Variants in TENM2 observed in about 807,000 individuals in gnomAD.
TENM2 encodes teneurin transmembrane protein 2, also known as teneurin-2.
A neutral mutation model predicts 245.2 loss-of-function variants in TENM2; 52 were observed. The ratio of observed to expected loss-of-function variants is 0.21; its 90% CI spans 0.17 to 0.27. The LOEUF is 0.27. Among genes scored for constraint, TENM2 ranks in the 10% least tolerant of loss-of-function variants. The probability of loss-of-function intolerance (pLI) is 1.00; values close to 1 mark genes in which losing one functional copy is unlikely to be tolerated. For missense variants in TENM2, 3,046 were observed against 3,666.8 expected (o/e 0.83, Z 4.37); for synonymous variants, 1,363 against 1,438.9 (o/e 0.95, Z 1.19).
chr5:167,049,312 G>A, the TENM2 span, among the ~76,000 whole-genome samples: 5 of 152,064 alleles, frequency 3.3e-5, no homozygotes, highest in African/African-American at 7.2e-5. Flanking sequence ...TTTACCACTC[G>A]GAATATTTCA....
chr5:167,993,662 A>T (rs1211773951), intron 5 of TENM2, among the ~76,000 whole-genome samples: 1 of 152,212 alleles, frequency 6.6e-6, no homozygotes, highest in Non-Finnish European at 1.5e-5. Flanking sequence ...AGAGCTGTGG[A>T]ACAGAAACAG....
the TENM2 span, among the ~76,000 whole-genome samples, chr5:167,016,020 C>T: frequency 1.5e-3 from 234 of 152,010 alleles, 1 homozygote; most frequent in African/African-American, 5.5e-3. Context: ...TTTGGGAGGC[C>T]AAGGCGGGCG....
rs145843422 is a variant in TENM2 at position 167,598,979 on chromosome 5, T to C, written c.502+223506T>C. ...CAAAGCCTCAAAGATTAAAGGGCTT[T>C]GTTTCACTTGAGAAGACAGTTGAAA... On this transcript the variant is annotated intron_variant, in intron 2 of 28. Coordinates refer to ENST00000518659, the Ensembl canonical transcript of TENM2. Among the ~76,000 whole-genome samples, 84 of 152,210 alleles carry C rather than the reference T, an allele frequency of 5.5e-4. 1 individual carries two copies. The highest frequency in any genetic ancestry group is 1.9e-3 in the African/African-American group (79 of 41,474).
chr5:168,245,529 A>C (rs1766474649), intron 26 of TENM2, among the ~76,000 whole-genome samples: 1 of 151,352 alleles, frequency 6.6e-6, no homozygotes, highest in South Asian at 2.1e-4. Flanking sequence ...AAAGTGCCAA[A>C]TTCAGGTCTT....
At chr5:168,067,616 C>T (rs961050679) in intron 7 of TENM2, among the ~76,000 whole-genome samples, 6 of 152,130 alleles carry the variant, frequency 3.9e-5, no homozygotes, top group African/African-American at 1.4e-4. Flanking sequence ...CTTTCCTTGT[C>T]CCCTTCTTTC....
chr5:167,169,607 G>T, the TENM2 span, among the ~76,000 whole-genome samples: 1 of 152,186 alleles, frequency 6.6e-6, no homozygotes, highest in Non-Finnish European at 1.5e-5. Flanking sequence ...TCAGCGGTGT[G>T]CATAGACCAT....
chr5:167,256,992 A>G, the TENM2 span, among the ~76,000 whole-genome samples: 1 of 152,026 alleles, frequency 6.6e-6, no homozygotes, highest in Non-Finnish European at 1.5e-5. Flanking sequence ...CCCTCTGTAT[A>G]CTTGGAAAAA....
intron 12 of TENM2, among the ~76,000 whole-genome samples, chr5:168,156,585 T>G (rs1021107433): frequency 6.6e-6 from 1 of 152,220 alleles, no homozygotes; most frequent in Non-Finnish European, 1.5e-5. Flanking sequence ...GAAAAGCCTT[T>G]TATGGTAATT....
At chr5:168,102,443 G>A (rs1793899384) in intron 9 of TENM2, among the ~76,000 whole-genome samples, 1 of 152,194 alleles carries the variant, frequency 6.6e-6, no homozygotes, top group East Asian at 1.9e-4. Context: ...GGAAATGTTA[G>A]CGCCCCCATT....
intron 8 of TENM2, 91 bp downstream of exon 10, chr5:168,090,860 T>G: frequency 2.5e-6 from 3 of 1,187,554 alleles, no homozygotes; most frequent in Non-Finnish European, 2.4e-6. Flanking sequence ...CTAAGGTAGT[T>G]TCTACTACAG....
chr5:167,675,300 G>A (rs1162505975), intron 2 of TENM2, among the ~76,000 whole-genome samples: 1 of 152,082 alleles, frequency 6.6e-6, no homozygotes, highest in Admixed American at 6.6e-5. Flanking sequence ...ACCCAAGGAT[G>A]TAGAATTCGA....
At chr5:168,204,976 T>C (rs2152540159) in intron 19 of TENM2, among the ~76,000 whole-genome samples, 1 of 152,368 alleles carries the variant, frequency 6.6e-6, no homozygotes, top group East Asian at 1.9e-4. Context: ...TGAGCACCTC[T>C]ATCTGGCTAG....
intron 5 of TENM2, among the ~76,000 whole-genome samples, chr5:167,997,422 A>T (rs547512304): frequency 2.6e-5 from 4 of 152,352 alleles, no homozygotes; most frequent in South Asian, 4.1e-4. Context: ...CAGTGGATAG[A>T]AACTATAGCC....
intron 2 of TENM2, among the ~76,000 whole-genome samples, chr5:167,496,035 A>G (rs576745400): frequency 6.6e-6 from 1 of 152,202 alleles, no homozygotes; most frequent in South Asian, 2.1e-4. Context: ...AGCAAAGGAA[A>G]GGCAGCCACA....
Position 168,238,254 on chromosome 5 carries a change from GA to G in TENM2, c.5521-6162del, listed in dbSNP as rs1270442688. ...GAAAAGAAAAGAAAAGAAAAGAAAA[GA>G]AAAGAAAAGAAAAGAAAAGAAAAGA... On this transcript the variant is annotated intron_variant, in intron 25 of 28. Coordinates refer to ENST00000518659, the Ensembl canonical transcript of TENM2. 6.3e-4 allele frequency among the ~76,000 whole-genome samples: 88 copies of G among 138,794 alleles called. 3 individuals carry two copies. The highest frequency in any genetic ancestry group is 2.1e-3 in the African/African-American group (79 of 37,446). 91.1% of individuals were successfully genotyped at this position (138,794 alleles called of 152,430 possible).
At chr5:167,378,023 A>G (rs1221051649) in intron 2 of TENM2, among the ~76,000 whole-genome samples, 1 of 151,960 alleles carries the variant, frequency 6.6e-6, no homozygotes, top group Non-Finnish European at 1.5e-5. Flanking sequence ...TGGTCAGAAA[A>G]TGAATCTTTT....
At chr5:166,989,814 T>C in the TENM2 span, among the ~76,000 whole-genome samples, 44 of 150,304 alleles carry the variant, frequency 2.9e-4, no homozygotes, top group Non-Finnish European at 4.6e-4. Context: ...AGAACTTCTC[T>C]GTTGCTGAAA....
intron 2 of TENM2, among the ~76,000 whole-genome samples, chr5:167,782,681 G>T (rs1037955710): frequency 4.6e-5 from 7 of 152,212 alleles, no homozygotes; most frequent in Admixed American, 1.3e-4. Flanking sequence ...AAACAGAAAA[G>T]AGAGCAATTA....
chr5:168,062,062 C>T (rs1243498175), exon 7 of TENM2: 5 of 1,599,372 alleles, frequency 3.1e-6, no homozygotes, highest in Middle Eastern at 2.0e-4. Flanking sequence ...TTTTTCAGTG[C>T]CCTGGTCGTT....
Sources: allele counts gnomAD v4.1 joint callset (sites outside exome capture counted in the v4.1 genomes callset), GRCh38; gene constraint gnomAD v4.1.1; transcripts MANE v1.5; gene names NCBI Gene and HGNC (gene_info 2026-07-23, HGNC 2026-07-21).